Variants in APBB1IP observed in about 807,000 individuals in gnomAD.
The protein encoded by APBB1IP is amyloid beta precursor protein binding family B member 1 interacting protein.
APBB1IP carries 27 observed loss-of-function variants against 64.9 expected under a neutral mutation model. The ratio of observed to expected loss-of-function variants is 0.42; its 90% CI spans 0.31 to 0.57. APBB1IP has a LOEUF of 0.57. APBB1IP is among the 20% of genes least tolerant of loss of function. The probability of loss-of-function intolerance (pLI) is 0.20; values close to 1 mark genes in which losing one functional copy is unlikely to be tolerated. For synonymous variants in APBB1IP, 392 were observed against 331.0 expected (o/e 1.18, Z -2.00); for missense variants, 812 against 845.5 (o/e 0.96, Z 0.49).
intron 6 of APBB1IP, 48 bp from the exon 7 acceptor site, chr10:26,511,699 T>C (rs1378167082): frequency 5.0e-6 from 8 of 1,605,518 alleles, no homozygotes; most frequent in Non-Finnish European, 6.8e-6. Context: ...CTTAGTAGCC[T>C]TCTCCAGTTG....
chr10:26,498,402 G>A lies in APBB1IP; in HGVS notation c.160+2011G>A, dbSNP rs71499394. ...CGGGCACCTGTAATCTCAGCTACTC[G>A]GGAGGCTGAGGGACGAAAATCACTG... On this transcript the variant is annotated intron_variant, in intron 4 of 14. Coordinates refer to ENST00000376236, the MANE Select transcript of APBB1IP (RefSeq NM_019043.4). 4.8e-3 allele frequency among the ~76,000 whole-genome samples: 728 copies of A among 152,140 alleles called. 7 individuals are homozygous for A. Among genetic ancestry groups the A allele is most frequent in the South Asian group, 0.013 (64 of 4,808 alleles).
At position 26,531,600 on chromosome 10, in the gene APBB1IP, G is replaced by A. The variant is rs921429546; in HGVS notation, c.814-1839G>A. ...GAGAATGGCATGAACCTGAGAGGCG[G>A]AGCTTGCAGTGAACCGAGATGGCGC... On this transcript the variant is annotated intron_variant, in intron 8 of 14. Coordinates refer to ENST00000376236, the MANE Select transcript of APBB1IP (RefSeq NM_019043.4). Among the ~76,000 whole-genome samples the A allele has an allele frequency of 5.3e-5, 8 of 151,628 alleles. 1 individual carries two copies. Among genetic ancestry groups the A allele is most frequent in the Admixed American group, 3.9e-4 (6 of 15,210 alleles).
At chr10:26,512,132 G>A (rs1362405402) in intron 7 of APBB1IP, among the ~76,000 whole-genome samples, 1 of 152,154 alleles carries the variant, frequency 6.6e-6, no homozygotes, top group Non-Finnish European at 1.5e-5. Context: ...GCCTGGCCTG[G>A]TTCATCCTTG....
rs1466985195 is a variant in APBB1IP at position 26,511,836 on chromosome 10, T to G, written c.621T>G (p.Leu207=). The change falls in exon 7 of 15, where the codon CTT becomes CTG. Residue 207 remains leucine (L), a synonymous_variant. Coordinates refer to ENST00000376236, the MANE Select transcript of APBB1IP (RefSeq NM_019043.4). ...TGGCCCGAGATGTTCTGGACAACCT[T>G]TTCGAGAAAACTCATTGTGACTGCA... ...RQLARDVLDN[L]FEKTHCDCNV... is the part of the protein sequence containing the mutation. 1.9e-6 allele frequency: 3 copies of G among 1,614,170 alleles called. No individual in the cohort carries two copies. Among genetic ancestry groups the G allele is most frequent in the Non-Finnish European group, 2.5e-6 (3 of 1,180,028 alleles).
intron 2 of APBB1IP, among the ~76,000 whole-genome samples, chr10:26,451,714 A>G (rs1835467609): frequency 6.6e-6 from 1 of 152,216 alleles, no homozygotes; most frequent in African/African-American, 2.4e-5. Context: ...AGTTTTCTCA[A>G]TTATAAAATG....
chr10:26,552,435 C>T (rs1387483428), intron 11 of APBB1IP, among the ~76,000 whole-genome samples: 1 of 151,910 alleles, frequency 6.6e-6, no homozygotes, highest in Non-Finnish European at 1.5e-5. Flanking sequence ...CCCGTCTCTA[C>T]AAAATATTTA....
At chr10:26,549,667 T>G (rs2132475672) in intron 11 of APBB1IP, among the ~76,000 whole-genome samples, 1 of 152,138 alleles carries the variant, frequency 6.6e-6, no homozygotes, top group East Asian at 1.9e-4. Context: ...AATGTCTTTC[T>G]TTTCATCTTT....
intron 8 of APBB1IP, among the ~76,000 whole-genome samples, chr10:26,531,684 G>A (rs1588607323): frequency 6.6e-6 from 1 of 151,324 alleles, no homozygotes; most frequent in South Asian, 2.1e-4. Flanking sequence ...AAAAAAGTTA[G>A]CAAATCACCT....
intron 4 of APBB1IP, among the ~76,000 whole-genome samples, chr10:26,500,117 G>A (rs923157857): frequency 6.6e-6 from 1 of 151,656 alleles, no homozygotes; most frequent in Non-Finnish European, 1.5e-5. Context: ...AGGCTGAGTT[G>A]GGAGGATTGC....
intron 6 of APBB1IP, among the ~76,000 whole-genome samples, chr10:26,507,191 G>A (rs184320161): frequency 1.8e-4 from 27 of 152,090 alleles, no homozygotes; most frequent in African/African-American, 5.8e-4. Flanking sequence ...ACGAATACAC[G>A]GCTTTTAAAG....
chr10:26,548,545 G>A (rs962654846), intron 11 of APBB1IP, among the ~76,000 whole-genome samples: 4 of 151,656 alleles, frequency 2.6e-5, no homozygotes, highest in African/African-American at 7.3e-5. Context: ...TATAGTTTTC[G>A]TCATAGAGCT....
rs528572943 is a variant in APBB1IP, at chr10:26,557,838, T to A, written c.1156-2267T>A. On this transcript the variant is annotated intron_variant, in intron 11 of 14. Transcript: ENST00000376236. ...GCTGCCAGTCAGATTCCAACTGAAGTTTAAAGACACGAGACCCTTTGCTTA... is the reference window on the plus strand; with the variant it reads ...GCTGCCAGTCAGATTCCAACTGAAGATTAAAGACACGAGACCCTTTGCTTA... Among the ~76,000 whole-genome samples the A allele has an allele frequency of 1.6e-3, 238 of 152,286 alleles. 1 individual carries two copies. Among genetic ancestry groups the A allele is most frequent in the South Asian group, 3.1e-3 (15 of 4,826 alleles).
chr10:26,524,998 A>T (rs1352827365), intron 8 of APBB1IP, among the ~76,000 whole-genome samples: 1 of 122,048 alleles, frequency 8.2e-6, no homozygotes, highest in African/African-American at 3.1e-5. Flanking sequence ...TCCTGGCAAG[A>T]GAAAAAAAAG....
chr10:26,470,102 T>C (rs752025832), intron 2 of APBB1IP, among the ~76,000 whole-genome samples: 29 of 152,232 alleles, frequency 1.9e-4, no homozygotes, highest in Admixed American at 9.2e-4. Context: ...ATGTTCCACT[T>C]AATGATTTTC....
chr10:26,527,979 G>T (rs562354895), intron 8 of APBB1IP, among the ~76,000 whole-genome samples: 3 of 151,992 alleles, frequency 2.0e-5, no homozygotes, highest in Admixed American at 6.6e-5. Context: ...AACATGAGCC[G>T]CTGCGCCTGG....
chr10:26,503,622 G>A (rs768974635), intron 6 of APBB1IP, among the ~76,000 whole-genome samples: 4 of 152,010 alleles, frequency 2.6e-5, no homozygotes, highest in African/African-American at 4.8e-5. Flanking sequence ...GAGACAGAGT[G>A]AGATTCCATC....
At chr10:26,443,949 T>A (rs954152165) in intron 2 of APBB1IP, among the ~76,000 whole-genome samples, 10 of 152,194 alleles carry the variant, frequency 6.6e-5, no homozygotes, top group African/African-American at 2.4e-4. Flanking sequence ...CCTGCATTTG[T>A]GGAGTTTATT....
At chr10:26,541,063 C>G (rs1836690509) in intron 10 of APBB1IP, among the ~76,000 whole-genome samples, 1 of 152,032 alleles carries the variant, frequency 6.6e-6, no homozygotes, top group Non-Finnish European at 1.5e-5. Flanking sequence ...CAAGGACAGT[C>G]CATCCTGACT....
chr10:26,525,211 G>A (rs1836458635), intron 8 of APBB1IP, among the ~76,000 whole-genome samples: 2 of 151,956 alleles, frequency 1.3e-5, no homozygotes, highest in African/African-American at 4.8e-5. Context: ...GAGCCTAGAA[G>A]GTCGAGGCTG....
Sources: allele counts gnomAD v4.1 joint callset (sites outside exome capture counted in the v4.1 genomes callset), GRCh38; gene constraint gnomAD v4.1.1; transcripts MANE v1.5; gene names NCBI Gene and HGNC (gene_info 2026-07-23, HGNC 2026-07-21).